Variants in COL4A2 observed in about 807,000 individuals in gnomAD.
COL4A2 encodes collagen alpha-2(IV) chain.
In COL4A2, 99 loss-of-function variants were observed where a neutral mutation model predicts 200.2. That is an observed-to-expected ratio of 0.49 (90% confidence interval 0.42 to 0.58). COL4A2 has a LOEUF of 0.58. Ranked by LOEUF, COL4A2 falls within the 20% of genes least tolerant of loss-of-function variation. The pLI, the probability that COL4A2 is intolerant of heterozygous loss-of-function variation, is 0.00. For synonymous variants in COL4A2, 897 were observed against 900.6 expected (o/e 1.00, Z 0.07); for missense variants, 1,950 against 2,314.1 (o/e 0.84, Z 3.23).
At chr13:110,473,205 A>G in intron 29 of COL4A2, 55 bp downstream of exon 29, 1 of 1,504,578 alleles carries the variant, frequency 6.6e-7, no homozygotes, top group Non-Finnish European at 9.0e-7. Flanking sequence ...AGTGGCCTCC[A>G]AGGGCGACCC....
chr13:110,357,621 T>C (rs1352016116), intron 4 of COL4A2, 69 bp downstream of exon 4: 1 of 1,544,490 alleles, frequency 6.5e-7, no homozygotes, highest in Admixed American at 2.0e-5. Context: ...AACAACGGGG[T>C]ACCTTCTGGG....
intron 30 of COL4A2, among the ~76,000 whole-genome samples, chr13:110,478,833 T>A (rs1882791090): frequency 6.6e-6 from 1 of 152,234 alleles, no homozygotes; most frequent in Non-Finnish European, 1.5e-5. Flanking sequence ...AAGGACACCG[T>A]AACTGTAAAG....
chr13:110,482,444 G>A, intron 31 of COL4A2, 72 bp from the exon 32 acceptor site: 5 of 1,500,274 alleles, frequency 3.3e-6, no homozygotes, highest in Non-Finnish European at 4.6e-6. Flanking sequence ...AAATGTTACG[G>A]AGACGTGAGA....
At chr13:110,480,492 C>A in intron 31 of COL4A2, 102 bp downstream of exon 31, 1 of 1,271,472 alleles carries the variant, frequency 7.9e-7, no homozygotes, top group Non-Finnish European at 1.1e-6. Flanking sequence ...GGCCGTGGGG[C>A]TGGCCTCACA....
intron 3 of COL4A2, among the ~76,000 whole-genome samples, chr13:110,347,852 A>T (rs4773164): frequency 0.94 from 142,493 of 152,340 alleles, 67,390 homozygotes; most frequent in East Asian, 1. Context: ...TTAAAATGTA[A>T]AGGTGTGCAG....
intron 4 of COL4A2, among the ~76,000 whole-genome samples, chr13:110,413,531 G>T (rs1879928293): frequency 6.6e-6 from 1 of 152,220 alleles, no homozygotes; most frequent in Admixed American, 6.5e-5. Flanking sequence ...AGGCAGCGAG[G>T]GCTGCGTGTG....
chr13:110,352,150 G>A (rs1876989975), intron 3 of COL4A2, among the ~76,000 whole-genome samples: 1 of 152,194 alleles, frequency 6.6e-6, no homozygotes, highest in African/African-American at 2.4e-5. Flanking sequence ...GCCCTCCTAG[G>A]CCTGGAGGTT....
chr13:110,323,692 C>G (rs1016642092), intron 3 of COL4A2, among the ~76,000 whole-genome samples: 12 of 152,188 alleles, frequency 7.9e-5, no homozygotes, highest in African/African-American at 2.9e-4. Flanking sequence ...AATCTAAGCA[C>G]AGGCCCCAGG....
intron 22 of COL4A2, among the ~76,000 whole-genome samples, chr13:110,460,832 A>G (rs1280702904): frequency 6.6e-6 from 1 of 152,060 alleles, no homozygotes; most frequent in African/African-American, 2.4e-5. Flanking sequence ...CATATACCCA[A>G]CGTGTATTGA....
chr13:110,324,732 G>A (rs1184490557), intron 3 of COL4A2, among the ~76,000 whole-genome samples: 2 of 152,190 alleles, frequency 1.3e-5, no homozygotes, highest in Non-Finnish European at 2.9e-5. Context: ...TTCTGGCCTC[G>A]GGATTGTTTC....
In COL4A2 at chr13:110,346,380, C is replaced by T. The variant is rs183356658; in HGVS notation, c.100-11092C>T. Among the ~76,000 whole-genome samples, 16 of 152,220 alleles carry T rather than the reference C, an allele frequency of 1.1e-4. 1 individual carries two copies. The highest frequency in any genetic ancestry group is 2.1e-4 in the South Asian group (1 of 4,820). On this transcript the variant is annotated intron_variant, in intron 3 of 47. Coordinates refer to ENST00000360467, the MANE Select transcript of COL4A2 (RefSeq NM_001846.4). ...CTTCAGCGGTCTTAGCCGTTGATCCCGTGGTCACCATAGACAATATAAGGA... is the reference window on the plus strand; with the variant it reads ...CTTCAGCGGTCTTAGCCGTTGATCCTGTGGTCACCATAGACAATATAAGGA...
chr13:110,392,426 C>T (rs1269612528), intron 4 of COL4A2, among the ~76,000 whole-genome samples: 1 of 152,172 alleles, frequency 6.6e-6, no homozygotes, highest in Non-Finnish European at 1.5e-5. Flanking sequence ...TACCCGAAGT[C>T]TGCAGGAACC....
chr13:110,317,780 C>T (rs1885179768), intron 3 of COL4A2, among the ~76,000 whole-genome samples: 1 of 152,206 alleles, frequency 6.6e-6, no homozygotes, highest in South Asian at 2.1e-4. Context: ...AAAGGAGGGG[C>T]AAACACGGCT....
At chr13:110,479,329 G>A (rs539513696) in intron 30 of COL4A2, among the ~76,000 whole-genome samples, 7 of 36,978 alleles carry the variant, frequency 1.9e-4, no homozygotes, top group East Asian at 1.8e-3. Flanking sequence ...CGCGGTCCCC[G>A]GTGACCCAGA....
Position 110,512,222 on chromosome 13 carries a change from T to C in COL4A2, c.*31T>C, listed in dbSNP as rs1202050665. 2 of 1,592,726 alleles carry C rather than the reference T, an allele frequency of 1.3e-6. No individual in the cohort carries two copies. Among genetic ancestry groups the C allele is most frequent in the Non-Finnish European group, 1.7e-6 (2 of 1,171,978 alleles). ...CGCGTGCCAGGAAGGGCCATTTTGGTGCTTATTCTTAACTTATTACCTCAG... is the reference window on the plus strand; with the variant it reads ...CGCGTGCCAGGAAGGGCCATTTTGGCGCTTATTCTTAACTTATTACCTCAG... On this transcript the variant is annotated 3_prime_UTR_variant, in exon 48 of 48. Coordinates refer to ENST00000360467, the MANE Select transcript of COL4A2 (RefSeq NM_001846.4).
chr13:110,458,817 AGGTCTTCCG>A lies in COL4A2; in HGVS notation c.1482_1490del (p.Leu498_Gly500del). The A allele has an allele frequency of 6.2e-7, 1 of 1,613,942 alleles. No individual in the cohort carries two copies. The highest frequency in any genetic ancestry group is 8.5e-7 in the Non-Finnish European group (1 of 1,179,944). On this transcript the variant is annotated inframe_deletion, in exon 22 of 48. Coordinates refer to ENST00000360467, the MANE Select transcript of COL4A2 (RefSeq NM_001846.4). The stretch of plus-strand genomic sequence containing the variant: ...GTACAGAAGGCGACGAAGCTATCAA[AGGTCTTCCG>A]GGACTGCCAGGACCCAAGGGCTTCG...
Position 110,308,258 on chromosome 13 carries a change from A to G in COL4A2, c.99+135A>G, listed in dbSNP as rs1384519402. The G allele has an allele frequency of 4.2e-5, 41 of 976,550 alleles. No homozygotes were observed. The East Asian group carries it at 9.8e-4, about 23-fold the overall frequency. The allele number at this position is 976,550 out of a possible 1,614,324, so 60.5% of individuals were successfully genotyped here. On this transcript the variant is annotated intron_variant, in intron 3 of 47. Coordinates refer to ENST00000360467, the MANE Select transcript of COL4A2 (RefSeq NM_001846.4). ...GTGGATGTTCGCCAGGCTGCCCACC[A>G]AGGTTCTGAGAAAGCTTGCTCTTCC...
chr13:110,448,319 C>A (rs1351581749), intron 18 of COL4A2, among the ~76,000 whole-genome samples: 1 of 152,230 alleles, frequency 6.6e-6, no homozygotes, highest in Non-Finnish European at 1.5e-5. Flanking sequence ...CAACCCCTCC[C>A]TTCTCACCGT....
At chr13:110,427,503 G>C (rs544561457) in intron 6 of COL4A2, among the ~76,000 whole-genome samples, 1 of 152,270 alleles carries the variant, frequency 6.6e-6, no homozygotes, top group Admixed American at 6.5e-5. Context: ...AACTGTAAAA[G>C]ACATCCCAAT....
Sources: gnomAD v4.1 joint callset for allele counts (sites outside exome capture counted in the v4.1 genomes callset) on GRCh38, gnomAD v4.1.1 for gene constraint, MANE v1.5 for transcripts, NCBI Gene and HGNC (gene_info 2026-07-23, HGNC 2026-07-21) for gene names.